Variants in UBE3C observed in about 807,000 individuals in gnomAD.
UBE3C encodes ubiquitin-protein ligase E3C.
A neutral mutation model predicts 129.4 loss-of-function variants in UBE3C; 42 were observed. That is an observed-to-expected ratio of 0.32 (90% CI 0.25 to 0.42). UBE3C has a LOEUF of 0.42. Ranked by LOEUF, UBE3C falls within the 10% of genes least tolerant of loss-of-function variation. The pLI, the probability that UBE3C is intolerant of heterozygous loss-of-function variation, is 1.00. For missense variants in UBE3C, 1,049 were observed against 1,319.1 expected (o/e 0.80, Z 3.17); for synonymous variants, 510 against 492.4 (o/e 1.04, Z -0.47).
At chr7:157,176,534 C>T (rs1808522822) in intron 5 of UBE3C, among the ~76,000 whole-genome samples, 1 of 152,206 alleles carries the variant, frequency 6.6e-6, no homozygotes, top group Non-Finnish European at 1.5e-5. Flanking sequence ...CTTGGCCTCC[C>T]AAAGTGCTGG....
chr7:157,192,336 G>A (rs1320282664), intron 10 of UBE3C: 22 of 565,092 alleles, frequency 3.9e-5, no homozygotes, highest in Non-Finnish European at 6.8e-5. Context: ...CTTCCTTTTC[G>A]ATCCGCCATC....
chr7:157,175,769 C>T (rs1808499619), intron 5 of UBE3C, among the ~76,000 whole-genome samples: 1 of 152,104 alleles, frequency 6.6e-6, no homozygotes, highest in Non-Finnish European at 1.5e-5. Flanking sequence ...CAAGAGGATC[C>T]TAGATGCCAG....
At chr7:157,202,929 G>T (rs577350079) in intron 11 of UBE3C, among the ~76,000 whole-genome samples, 1 of 152,324 alleles carries the variant, frequency 6.6e-6, no homozygotes, top group East Asian at 1.9e-4. Context: ...AGAATTTTTG[G>T]TGGGTTGGGG....
chr7:157,197,030 G>A (rs1390280064), intron 10 of UBE3C, among the ~76,000 whole-genome samples: 1 of 152,156 alleles, frequency 6.6e-6, no homozygotes, highest in Non-Finnish European at 1.5e-5. Context: ...TCATAATTCT[G>A]CAAAATACAA....
At chr7:157,242,399 ATATTT>A (rs768709240) in intron 18 of UBE3C, among the ~76,000 whole-genome samples, 1 of 151,906 alleles carries the variant, frequency 6.6e-6, no homozygotes, top group African/African-American at 2.4e-5. Context: ...TTCTAGTCTG[ATATTT>A]TATTCTCCTA....
At position 157,197,700 on chromosome 7, in the gene UBE3C, A is replaced by G. The variant is rs1380720585; in HGVS notation, c.1332-4021A>G. Reference sequence around the variant, plus strand: ...TTTATTCGGAAATGAAGTCACAAGAATAAAGTCAAGAGCTGCAAATTCAGG... The same window carrying G: ...TTTATTCGGAAATGAAGTCACAAGAGTAAAGTCAAGAGCTGCAAATTCAGG... On this transcript the variant is annotated intron_variant, in intron 10 of 22. Coordinates refer to ENST00000348165, the MANE Select transcript of UBE3C (RefSeq NM_014671.3). 3.7e-6 allele frequency: 6 copies of G among 1,610,152 alleles called. No homozygotes were observed. In the African/African-American group the frequency reaches 6.7e-5, roughly 18 times the overall value.
chr7:157,201,332 T>A (rs958058554), intron 10 of UBE3C, among the ~76,000 whole-genome samples: 2 of 151,856 alleles, frequency 1.3e-5, no homozygotes, highest in African/African-American at 4.8e-5. Flanking sequence ...TCAAAAAAAA[T>A]AAAAAGAAAA....
At position 157,237,887 on chromosome 7, in the gene UBE3C, T is replaced by TA. The variant is rs3837147; in HGVS notation, c.2481+6575dup. 6.2e-3 allele frequency among the ~76,000 whole-genome samples: 685 copies of TA among 111,010 alleles called. 3 individuals are homozygous for TA. The highest frequency in any genetic ancestry group is 0.01 in the South Asian group (37 of 3,564). 72.8% of individuals were successfully genotyped at this position (111,010 alleles called of 152,430 possible). A position where few individuals can be genotyped will look rare whatever the true frequency, so the allele number is the denominator to read the frequency against. On this transcript the variant is annotated intron_variant, in intron 18 of 22. Transcript: ENST00000348165. ...CATAGGGAGACCTGGTCTCTACCAC[T>TA]AAAAAAAAAAAAAAAGTAGCCAGGC...
At chr7:157,191,214 C>T (rs892276077) in intron 10 of UBE3C, among the ~76,000 whole-genome samples, 2 of 152,198 alleles carry the variant, frequency 1.3e-5, no homozygotes, top group South Asian at 2.1e-4. Flanking sequence ...AACAGCGGTG[C>T]GCCTCGAAGC....
intron 18 of UBE3C, among the ~76,000 whole-genome samples, chr7:157,243,574 C>G (rs1796400849): frequency 6.6e-6 from 1 of 152,162 alleles, no homozygotes; most frequent in Non-Finnish European, 1.5e-5. Context: ...CTGGCCCCTC[C>G]CAGGGAGCTT....
chr7:157,212,088 C>T (rs1809611253), intron 13 of UBE3C, among the ~76,000 whole-genome samples: 1 of 152,082 alleles, frequency 6.6e-6, no homozygotes, highest in Admixed American at 6.6e-5. Flanking sequence ...TGATGTATTT[C>T]CCACATTGCA....
At chr7:157,237,023 C>T (rs1796170486) in intron 18 of UBE3C, among the ~76,000 whole-genome samples, 1 of 152,144 alleles carries the variant, frequency 6.6e-6, no homozygotes, top group Non-Finnish European at 1.5e-5. Context: ...TGAGCCAGCA[C>T]ACCCGGCAAG....
At chr7:157,263,940 T>G (rs1479790245) in intron 22 of UBE3C, among the ~76,000 whole-genome samples, 3 of 152,074 alleles carry the variant, frequency 2.0e-5, no homozygotes, top group Non-Finnish European at 4.4e-5. Context: ...TATGCATAAT[T>G]TTTTCTGTTT....
intron 1 of UBE3C, among the ~76,000 whole-genome samples, chr7:157,151,010 A>C (rs1807742860): frequency 6.6e-6 from 1 of 152,112 alleles, no homozygotes; most frequent in Non-Finnish European, 1.5e-5. Flanking sequence ...TCCTCATGGC[A>C]GCTGGCCTCC....
intron 10 of UBE3C, 64 bp from the exon 11 acceptor site, chr7:157,201,657 T>TAA: frequency 1.5e-6 from 1 of 648,348 alleles, no homozygotes; most frequent in Non-Finnish European, 2.3e-6. Context: ...TTTTTTTTTT[T>TAA]TAAGAAATGT....
intron 10 of UBE3C, among the ~76,000 whole-genome samples, chr7:157,196,830 G>A (rs1445754489): frequency 3.3e-5 from 5 of 152,104 alleles, no homozygotes; most frequent in Non-Finnish European, 7.4e-5. Flanking sequence ...TGAGCTGGGC[G>A]TGGTGGTGCA....
intron 5 of UBE3C, among the ~76,000 whole-genome samples, chr7:157,177,929 G>GTTTT (rs3839850): frequency 1.4e-5 from 2 of 140,968 alleles, no homozygotes; most frequent in Non-Finnish European, 1.5e-5. Flanking sequence ...GATGGATTCT[G>GTTTT]TTTTTTTTTT....
chr7:157,207,346 C>G (rs370528507), intron 11 of UBE3C, 52 bp from the exon 12 acceptor site: 55 of 1,577,244 alleles, frequency 3.5e-5, no homozygotes, highest in Middle Eastern at 3.3e-4. Flanking sequence ...AGTTCCCAAA[C>G]TAAGACTAAT....
intron 10 of UBE3C, among the ~76,000 whole-genome samples, chr7:157,188,537 C>T (rs538419416): frequency 1.2e-3 from 190 of 152,302 alleles, no homozygotes; most frequent in Non-Finnish European, 2.3e-3. Context: ...CTTTTATTGT[C>T]GCACAACCCA....
Sources: allele counts gnomAD v4.1 joint callset (sites outside exome capture counted in the v4.1 genomes callset), GRCh38; gene constraint gnomAD v4.1.1; transcripts MANE v1.5; gene names NCBI Gene and HGNC (gene_info 2026-07-23, HGNC 2026-07-21).